Variants in CYP2B6 observed in about 807,000 individuals in gnomAD.
CYP2B6 encodes the protein cytochrome P450 2B6.
A neutral mutation model predicts 43.4 loss-of-function variants in CYP2B6; 35 were observed. The ratio of observed to expected loss-of-function variants is 0.81; its 90% confidence interval spans 0.62 to 1.07. The LOEUF is 1.07. CYP2B6 is among the 50% of genes least tolerant of loss of function. The pLI, the probability that CYP2B6 is intolerant of heterozygous loss-of-function variation, is 0.00. For synonymous variants in CYP2B6, 239 were observed against 239.2 expected (o/e 1.00, Z 0.01); for missense variants, 624 against 632.8 (o/e 0.99, Z 0.15).
chr19:41,015,948 A>C (rs1310753445), intron 8 of CYP2B6, among the ~76,000 whole-genome samples: 2 of 152,104 alleles, frequency 1.3e-5, no homozygotes, highest in Admixed American at 1.3e-4. Context: ...TGAGAAGTGA[A>C]GAACACTAAG....
In CYP2B6 at chr19:41,016,912, T is replaced by C. The variant is rs1969379682; in HGVS notation, c.*85T>C. On this transcript the variant is annotated 3_prime_UTR_variant, in exon 9 of 9. Coordinates refer to ENST00000324071, the MANE Select transcript of CYP2B6 (RefSeq NM_000767.5). ...GACAATGGCTCTGACTCCCCGCAAC[T>C]TCCTGCCTCTGAGAGACCTGCTACA... 2.1e-6 allele frequency: 3 copies of C among 1,435,980 alleles called. No homozygotes were observed. The African/African-American group carries it at 4.2e-5, about 20-fold the overall frequency. The allele number at this position is 1,435,980 out of a possible 1,614,324, so 89.0% of individuals were successfully genotyped here.
At chr19:40,994,235 G>A (rs533340317) in intron 1 of CYP2B6, among the ~76,000 whole-genome samples, 5 of 152,270 alleles carry the variant, frequency 3.3e-5, no homozygotes, top group African/African-American at 4.8e-5. Context: ...AATTTGGAAA[G>A]CAGCAGTGAG....
intron 3 of CYP2B6, among the ~76,000 whole-genome samples, chr19:41,005,909 A>G (rs1456551912): frequency 6.6e-6 from 1 of 151,704 alleles, no homozygotes; most frequent in African/African-American, 2.4e-5. Flanking sequence ...AGACAGACAA[A>G]GCTTAGGAAA....
chr19:40,996,446 G>A (rs556998245), intron 1 of CYP2B6, among the ~76,000 whole-genome samples: 25 of 152,090 alleles, frequency 1.6e-4, no homozygotes, highest in Non-Finnish European at 3.5e-4. Context: ...TTTGTGCATA[G>A]AAATGCTTTA....
chr19:41,004,047 G>A lies in CYP2B6; in HGVS notation c.218G>A (p.Arg73Lys). Residue 73 changes from arginine to lysine, a missense_variant, in exon 2 of 9, where the codon AGG (arginine) becomes AAG (lysine). Physicochemically the swap from Arg to Lys is conservative, Grantham distance 26. Transcript: ENST00000324071. ...GTCTTCACGGTACACCTGGGACCGA[G>A]GCCCGTGGTCATGCTGTGTGGAGTA... is the stretch of plus-strand genomic sequence containing the variant. ...GDVFTVHLGP[R>K]PVVMLCGVEA... The A allele has an allele frequency of 6.2e-7, 1 of 1,613,934 alleles. No individual in the cohort carries two copies. The highest frequency in any genetic ancestry group is 8.5e-7 in the Non-Finnish European group (1 of 1,179,906).
chr19:40,994,308 T>C (rs8100458), intron 1 of CYP2B6, among the ~76,000 whole-genome samples: 45,158 of 151,906 alleles, frequency 0.3, 7,445 homozygotes, highest in East Asian at 0.44. Flanking sequence ...AACCTCAAGA[T>C]ACTCAAGGTA....
intron 3 of CYP2B6, among the ~76,000 whole-genome samples, chr19:41,006,031 C>A (rs1969177508): frequency 6.6e-6 from 1 of 152,090 alleles, no homozygotes; most frequent in Admixed American, 6.5e-5. Flanking sequence ...GGGGCCAGTG[C>A]TGAGCCTGGT....
intron 7 of CYP2B6, 29 bp from the exon 8 acceptor site, chr19:41,012,645 T>C: frequency 5.6e-6 from 9 of 1,613,650 alleles, no homozygotes; most frequent in South Asian, 1.1e-5. Flanking sequence ...GGAATGGCAA[T>C]ATCTTTTGAT....
In CYP2B6 at chr19:41,017,208, A is replaced by G. The variant is rs150701000; in HGVS notation, c.*381A>G. The G allele has an allele frequency of 2.4e-3, 395 of 161,572 alleles. 4 individuals are homozygous for G. The highest frequency in any genetic ancestry group is 9.0e-3 in the African/African-American group (372 of 41,470). 10.0% of individuals were successfully genotyped at this position (161,572 alleles called of 1,614,324 possible). On this transcript the variant is annotated 3_prime_UTR_variant, in exon 9 of 9. Transcript: ENST00000324071. ...CAGGCATGCACTACCACGCTTGGCT[A>G]ATTTTTGTATTTTTAGTAGAGATGG...
rs150706448 is a variant in CYP2B6, at chr19:41,001,422, G to A, written c.172-2579G>A. ...GGAGGGCATGAGCAAGTGTGCATCA[G>A]GGCTGAGGAAGGTGGCGCTGTTGCT... is the stretch of plus-strand genomic sequence containing the variant. On this transcript the variant is annotated intron_variant, in intron 1 of 8. Transcript: ENST00000324071. 2.8e-3 allele frequency among the ~76,000 whole-genome samples: 420 copies of A among 152,212 alleles called. 3 individuals are homozygous for A. Among genetic ancestry groups the A allele is most frequent in the Admixed American group, 0.018 (274 of 15,272 alleles).
intron 8 of CYP2B6, among the ~76,000 whole-genome samples, chr19:41,014,510 T>G (rs527411077): frequency 1.3e-5 from 2 of 152,114 alleles, no homozygotes; most frequent in Admixed American, 1.3e-4. Context: ...TTTCACCGTG[T>G]TAGCCAGGAT....
intron 8 of CYP2B6, among the ~76,000 whole-genome samples, chr19:41,014,394 C>G (rs1253216383): frequency 8.4e-4 from 127 of 152,032 alleles, no homozygotes; most frequent in African/African-American, 3.0e-3. Flanking sequence ...CAACCTCTGC[C>G]TCCCAGGTTC....
At chr19:40,995,659 AT>A (rs1170196922) in intron 1 of CYP2B6, among the ~76,000 whole-genome samples, 1 of 152,232 alleles carries the variant, frequency 6.6e-6, no homozygotes, top group Non-Finnish European at 1.5e-5. Context: ...AGATTCTATT[AT>A]TAGGGGCATA....
intron 6 of CYP2B6, among the ~76,000 whole-genome samples, chr19:41,011,623 T>TG (rs1969285908): frequency 6.6e-6 from 1 of 152,228 alleles, no homozygotes; most frequent in African/African-American, 2.4e-5. Flanking sequence ...GTGTCTCAAC[T>TG]ATATTATAAA....
Position 41,004,377 on chromosome 19 carries a change from A to G in CYP2B6, c.415A>G (p.Lys139Glu), listed in dbSNP as rs12721655. 6,197 of 1,614,004 alleles carry G rather than the reference A, an allele frequency of 3.8e-3. 22 individuals carry two copies. Among genetic ancestry groups the G allele is most frequent in the Non-Finnish European group, 4.9e-3 (5,829 of 1,180,004 alleles). ...VTTMRDFGMGKRSVEERIQEE... is the reference protein window; with the variant it reads ...VTTMRDFGMGERSVEERIQEE... ...CACTATGAGGGACTTCGGGATGGGA[A>G]AGCGGAGTGTGGAGGAGCGGATTCA... Residue 139 changes from lysine (K) to glutamate (E), a missense_variant, in exon 3 of 9, where the codon AAG becomes GAG. Transcript: ENST00000324071.
At chr19:41,008,032 C>G (rs1428091443) in intron 4 of CYP2B6, among the ~76,000 whole-genome samples, 1 of 151,450 alleles carries the variant, frequency 6.6e-6, no homozygotes, top group Admixed American at 6.6e-5. Flanking sequence ...TTCATTTTCT[C>G]CCATTTCTCC....
chr19:41,000,225 C>T (rs1376397022), intron 1 of CYP2B6, among the ~76,000 whole-genome samples: 1 of 152,114 alleles, frequency 6.6e-6, no homozygotes, highest in Non-Finnish European at 1.5e-5. Flanking sequence ...TGCTCTCATA[C>T]ACCAGCTGCC....
rs766011376 is a variant in CYP2B6 at position 41,004,367 on chromosome 19, C to T, written c.405C>T (p.Phe135=). 36 of 1,613,734 alleles carry T rather than the reference C, an allele frequency of 2.2e-5. No homozygotes were observed. In the Middle Eastern group the frequency reaches 4.9e-4, roughly 22 times the overall value. Residue 135 remains phenylalanine (F), a synonymous_variant, in exon 3 of 9, where the codon TTC becomes TTT. Coordinates refer to ENST00000324071, the MANE Select transcript of CYP2B6 (RefSeq NM_000767.5). The part of the protein sequence containing the change: ...RRFSVTTMRD[F]GMGKRSVEER... ...TCTCTGTGACCACTATGAGGGACTT[C>T]GGGATGGGAAAGCGGAGTGTGGAGG...
chr19:41,012,277 T>C (rs761683682), intron 6 of CYP2B6, 21 bp from the exon 7 acceptor site: 7 of 1,612,028 alleles, frequency 4.3e-6, no homozygotes, highest in Admixed American at 3.3e-5. Context: ...ATGAGATTCA[T>C]TGGTCTTCTT....
Sources: allele counts gnomAD v4.1 joint callset (sites outside exome capture counted in the v4.1 genomes callset), GRCh38; gene constraint gnomAD v4.1.1; transcripts MANE v1.5; gene names NCBI Gene and HGNC (gene_info 2026-07-23, HGNC 2026-07-21).